Variants in CNGB3 observed in about 807,000 individuals in gnomAD.
The protein encoded by CNGB3 is cyclic nucleotide-gated channel beta-3.
CNGB3 carries 86 observed loss-of-function variants against 92.8 expected under a neutral mutation model. The observed-to-expected ratio is 0.93, with a 90% CI of 0.78 to 1.11. The LOEUF (loss-of-function observed/expected upper bound fraction) is 1.11. Ranked by LOEUF, CNGB3 falls within the 50% of genes least tolerant of loss-of-function variation. The pLI, the probability that CNGB3 is intolerant of heterozygous loss-of-function variation, is 0.00. For synonymous variants in CNGB3, 333 were observed against 332.7 expected (o/e 1.00, Z -0.01); for missense variants, 1,026 against 956.8 (o/e 1.07, Z -0.95).
intron 9 of CNGB3, 138 bp downstream of exon 9, chr8:86,644,484 A>G: frequency 9.4e-7 from 1 of 1,063,270 alleles, no homozygotes; most frequent in Non-Finnish European, 1.3e-6. Context: ...TCTAGAACAT[A>G]GTCCTATATT....
intron 6 of CNGB3, chr8:86,659,077 G>T: frequency 1.2e-6 from 1 of 811,820 alleles, no homozygotes; most frequent in African/African-American, 1.8e-5. Flanking sequence ...GGGGGCTCCA[G>T]GAGCAGGGGT....
chr8:86,712,041 CT>C (rs1824760870), intron 3 of CNGB3, among the ~76,000 whole-genome samples: 1 of 151,852 alleles, frequency 6.6e-6, no homozygotes, highest in Admixed American at 6.6e-5. Flanking sequence ...GTACACTGTG[CT>C]TCTGGTATTG....
intron 15 of CNGB3, chr8:86,593,656 C>T: frequency 1.8e-6 from 1 of 556,486 alleles, no homozygotes; most frequent in Non-Finnish European, 3.3e-6. Context: ...GAGGTGGACC[C>T]TAATGGTGTC....
intron 6 of CNGB3, chr8:86,660,866 C>T (rs1823627735): frequency 1.3e-5 from 5 of 397,392 alleles, no homozygotes; most frequent in Non-Finnish European, 2.6e-5. Flanking sequence ...CTTCATAAGG[C>T]CAGTTAGCTC....
At chr8:86,617,710 G>C (rs1236396225) in intron 13 of CNGB3, among the ~76,000 whole-genome samples, 3 of 152,108 alleles carry the variant, frequency 2.0e-5, no homozygotes, top group Non-Finnish European at 4.4e-5. Flanking sequence ...ATTGGCAATA[G>C]TTCTAATTTT....
intron 2 of CNGB3, among the ~76,000 whole-genome samples, chr8:86,733,333 C>T (rs1337326694): frequency 6.6e-6 from 1 of 152,088 alleles, no homozygotes; most frequent in Admixed American, 6.6e-5. Context: ...TTTCTTTATC[C>T]AATCCACTGT....
At chr8:86,586,308 G>A (rs1032905427) in intron 15 of CNGB3, among the ~76,000 whole-genome samples, 3 of 149,086 alleles carry the variant, frequency 2.0e-5, no homozygotes, top group Middle Eastern at 3.4e-3. Flanking sequence ...TATTGTAATA[G>A]TAACATTAAT....
At chr8:86,683,820 C>T (rs771918076) in intron 3 of CNGB3, among the ~76,000 whole-genome samples, 2 of 152,210 alleles carry the variant, frequency 1.3e-5, no homozygotes, top group East Asian at 1.9e-4. Context: ...TAAACCTACA[C>T]CTTATACAAA....
Position 86,724,864 on chromosome 8 carries a change from A to G in CNGB3, c.338+1667T>C, listed in dbSNP as rs1399922185. On this transcript the variant is annotated intron_variant, in intron 3 of 17. Transcript: ENST00000320005. ...CATGACAAATACAAGAGACTGAAAT[A>G]GAACAGGTGTGACTGGAGCAGAGAG... 1.7e-4 allele frequency among the ~76,000 whole-genome samples: 26 copies of G among 152,080 alleles called. 1 individual carries two copies. The highest frequency in any genetic ancestry group is 1.7e-3 in the Admixed American group (26 of 15,232).
At chr8:86,685,675 T>C (rs1824172840) in intron 3 of CNGB3, among the ~76,000 whole-genome samples, 1 of 152,108 alleles carries the variant, frequency 6.6e-6, no homozygotes, top group South Asian at 2.1e-4. Context: ...TGAAAAGTCA[T>C]ATATGCAGAT....
At chr8:86,582,615 A>G (rs553217263) in intron 15 of CNGB3, among the ~76,000 whole-genome samples, 3 of 152,326 alleles carry the variant, frequency 2.0e-5, no homozygotes, top group East Asian at 3.9e-4. Context: ...GAGAGAAACA[A>G]GGATAAGAGT....
chr8:86,738,827 C>G (rs1190750259), intron 2 of CNGB3, among the ~76,000 whole-genome samples: 2 of 120,660 alleles, frequency 1.7e-5, no homozygotes, highest in Non-Finnish European at 3.3e-5. Flanking sequence ...GGCGACAGAG[C>G]GAGACTCCGT....
chr8:86,667,876 C>T (rs1440448513), intron 5 of CNGB3, 143 bp downstream of exon 5: 3 of 918,368 alleles, frequency 3.3e-6, no homozygotes, highest in Admixed American at 1.8e-5. Flanking sequence ...TGATCCTTTG[C>T]AGGTTATTTA....
chr8:86,606,038 A>G lies in CNGB3; in HGVS notation c.1663-1827T>C, dbSNP rs1822404851. Among the ~76,000 whole-genome samples the G allele has an allele frequency of 3.3e-5, 5 of 152,332 alleles. No homozygotes were observed. The South Asian group carries it at 1.0e-3, about 32-fold the overall frequency. On this transcript the variant is annotated intron_variant, in intron 14 of 17. Transcript: ENST00000320005. ...GCTAAAGTTATATGACTCGGTAATT[A>G]GAAGCGAAGGAAGCCTAGAACCCAC...
At chr8:86,739,846 G>T in intron 1 of CNGB3, 110 bp from the exon 2 acceptor site, 2 of 1,246,718 alleles carry the variant, frequency 1.6e-6, no homozygotes, top group East Asian at 2.5e-5. Flanking sequence ...CATTAAAATT[G>T]ACTGTTTATG....
intron 3 of CNGB3, among the ~76,000 whole-genome samples, chr8:86,703,403 A>G (rs1332468091): frequency 2.0e-5 from 3 of 152,206 alleles, no homozygotes; most frequent in African/African-American, 4.8e-5. Context: ...TTTTCCCAGA[A>G]TAGGAATTCA....
At chr8:86,728,975 A>G (rs947187956) in intron 2 of CNGB3, among the ~76,000 whole-genome samples, 5 of 152,142 alleles carry the variant, frequency 3.3e-5, no homozygotes, top group Non-Finnish European at 7.3e-5. Context: ...CGGTGGTACG[A>G]TCACAGCTCA....
chr8:86,736,905 A>T (rs954150122), intron 2 of CNGB3, among the ~76,000 whole-genome samples: 4 of 152,192 alleles, frequency 2.6e-5, no homozygotes, highest in Admixed American at 2.6e-4. Context: ...CTAAATATTT[A>T]AAATCACATA....
chr8:86,645,336 C>T (rs1823276560), intron 8 of CNGB3, among the ~76,000 whole-genome samples: 1 of 151,056 alleles, frequency 6.6e-6, no homozygotes, highest in South Asian at 2.1e-4. Flanking sequence ...CTACTTCCTA[C>T]TTCCTCTTTT....
Sources: allele counts gnomAD v4.1 joint callset (sites outside exome capture counted in the v4.1 genomes callset), GRCh38; gene constraint gnomAD v4.1.1; transcripts MANE v1.5; gene names NCBI Gene and HGNC (gene_info 2026-07-23, HGNC 2026-07-21).